TULP4: variants seen among roughly 807,000 people sequenced by gnomAD.
TULP4 encodes TUB like protein 4, also known as tubby-related protein 4.
In TULP4, 16 loss-of-function variants were observed where a neutral mutation model predicts 129.0. The observed-to-expected ratio is 0.12, with a 90% CI of 0.08 to 0.19. The LOEUF (loss-of-function observed/expected upper bound fraction) is 0.19. Ranked by LOEUF, TULP4 falls within the 10% of genes least tolerant of loss-of-function variation. The pLI, the probability that TULP4 is intolerant of heterozygous loss-of-function variation, is 1.00. For synonymous variants in TULP4, 998 were observed against 854.0 expected (o/e 1.17, Z -2.94); for missense variants, 1,842 against 2,059.1 (o/e 0.89, Z 2.04).
rs1445217124 is a variant in TULP4 at position 158,493,346 on chromosome 6, C to T, written c.1632-227C>T. On this transcript the variant is annotated intron_variant, in intron 9 of 13. Coordinates refer to ENST00000367097, the MANE Select transcript of TULP4 (RefSeq NM_020245.5). The surrounding 1 kb of genome is among the most constrained non-coding windows in gnomAD (Gnocchi z 4.4). Reference sequence around the variant, plus strand: ...AGGTGTGTGCCACCACACCCAGTTTCTCAATATATTTTAAAATGTATATTA... The same window carrying T: ...AGGTGTGTGCCACCACACCCAGTTTTTCAATATATTTTAAAATGTATATTA... Among the ~76,000 whole-genome samples the T allele has an allele frequency of 6.6e-6, 1 of 152,182 alleles. No individual in the cohort carries two copies. Among genetic ancestry groups the T allele is most frequent in the East Asian group, 1.9e-4 (1 of 5,204 alleles).
At chr6:158,476,261 T>C (rs1386295393) in intron 6 of TULP4, among the ~76,000 whole-genome samples, 1 of 152,212 alleles carries the variant, frequency 6.6e-6, no homozygotes, top group African/African-American at 2.4e-5. Flanking sequence ...CTTGGGCAAG[T>C]AAATGAGTGC....
chr6:158,414,222 T>A (rs1778156951), intron 2 of TULP4, among the ~76,000 whole-genome samples: 1 of 152,262 alleles, frequency 6.6e-6, no homozygotes, highest in African/African-American at 2.4e-5. Flanking sequence ...GACTGACTGA[T>A]AAGGCCTTAC....
intron 3 of TULP4, 120 bp downstream of exon 3, chr6:158,430,017 A>G: frequency 1.1e-6 from 1 of 946,230 alleles, no homozygotes; most frequent in Non-Finnish European, 1.5e-6. Flanking sequence ...ATGGAAAAGA[A>G]CAATAAAACT....
chr6:158,417,730 G>A (rs1377494737), intron 2 of TULP4, among the ~76,000 whole-genome samples: 1 of 152,164 alleles, frequency 6.6e-6, no homozygotes. Flanking sequence ...CTTTTTAGAA[G>A]AAATGACAGA....
intron 1 of TULP4, among the ~76,000 whole-genome samples, chr6:158,254,465 G>C (rs1432366995): frequency 2.0e-5 from 3 of 152,154 alleles, no homozygotes; most frequent in Non-Finnish European, 4.4e-5. Context: ...TTTTAAGGTA[G>C]ATGTCCATTA....
rs1283850523 is a variant in TULP4 at position 158,510,442 on chromosome 6, G to A, written c.*3748G>A. On this transcript the variant is annotated 3_prime_UTR_variant, in exon 14 of 14. Transcript: ENST00000367097. The stretch of plus-strand genomic sequence containing the variant: ...GTCCATCTGTGAAATGAAAGGATCA[G>A]CCTGGACAGCCCTCTAAACTCCCTT... 6.6e-6 allele frequency: 1 copy of A among 152,224 alleles called. No individual in the cohort carries two copies. The highest frequency in any genetic ancestry group is 2.4e-5 in the African/African-American group (1 of 41,440). The allele number at this position is 152,224 out of a possible 1,614,324, so 9.4% of individuals were successfully genotyped here.
At position 158,502,914 on chromosome 6, in the gene TULP4, T is replaced by C; in HGVS notation, c.3251T>C (p.Val1084Ala). ...PDSARDRTDY[V>A]NSAFTEDEAL... is the part of the protein sequence containing the mutation. The stretch of plus-strand genomic sequence containing the variant: ...AGCGCCCGCGACCGCACCGACTACG[T>C]CAACTCGGCCTTCACGGAGGACGAG... The change falls in exon 13 of 14, where the codon GTC becomes GCC. Residue 1084 changes from valine to alanine, a missense_variant. Around this residue, in one of 5 missense-constraint regions of TULP4, gnomAD observed 1,089 missense variants for 987.1 expected, o/e 1.10. Coordinates refer to ENST00000367097, the MANE Select transcript of TULP4 (RefSeq NM_020245.5). The C allele has an allele frequency of 6.2e-7, 1 of 1,613,918 alleles. No individual in the cohort carries two copies. The highest frequency in any genetic ancestry group is 8.5e-7 in the Non-Finnish European group (1 of 1,179,998).
intron 3 of TULP4, 41 bp downstream of exon 3, chr6:158,429,938 C>T (rs1216016590): frequency 6.3e-7 from 1 of 1,591,266 alleles, no homozygotes; most frequent in Non-Finnish European, 8.6e-7. Context: ...ACGTTAAAAC[C>T]ATGAGGGCTG....
chr6:158,277,542 T>C (rs900066910), upstream of TULP4, among the ~76,000 whole-genome samples: 3 of 152,232 alleles, frequency 2.0e-5, no homozygotes, highest in African/African-American at 7.2e-5. Context: ...GGGAGATTTA[T>C]GTTAGGGCCA....
chr6:158,386,448 G>T (rs1454077213), intron 1 of TULP4, among the ~76,000 whole-genome samples: 3 of 152,110 alleles, frequency 2.0e-5, no homozygotes, highest in Admixed American at 2.0e-4. Context: ...AGTACTAATA[G>T]ATATATACTG....
chr6:158,453,079 G>A (rs923970358), intron 5 of TULP4, among the ~76,000 whole-genome samples: 2 of 152,126 alleles, frequency 1.3e-5, no homozygotes, highest in Non-Finnish European at 2.9e-5. Flanking sequence ...GGTGTAACTC[G>A]CTGCTGTCAT....
chr6:158,500,958 G>A (rs1780432242), intron 12 of TULP4, among the ~76,000 whole-genome samples: 1 of 152,128 alleles, frequency 6.6e-6, no homozygotes, highest in Admixed American at 6.5e-5. Flanking sequence ...TACTGGGGAG[G>A]CTGAGGCAGG....
chr6:158,359,161 C>G (rs547598605), intron 1 of TULP4, among the ~76,000 whole-genome samples: 1 of 152,258 alleles, frequency 6.6e-6, no homozygotes, highest in South Asian at 2.1e-4. Context: ...TCCCCTCTTC[C>G]TCTTACCTAG....
chr6:158,433,555 C>CA (rs1264732308), intron 3 of TULP4, among the ~76,000 whole-genome samples: 1 of 152,022 alleles, frequency 6.6e-6, no homozygotes, highest in Non-Finnish European at 1.5e-5. Context: ...ACTAAAAATA[C>CA]AAAAAATTAG....
chr6:158,410,908 T>C (rs1338247961), intron 1 of TULP4, among the ~76,000 whole-genome samples: 1 of 152,152 alleles, frequency 6.6e-6, no homozygotes, highest in Non-Finnish European at 1.5e-5. Flanking sequence ...AATGTCTGTT[T>C]AGGAAACTGA....
intron 1 of TULP4, among the ~76,000 whole-genome samples, chr6:158,270,102 C>G (rs1278201217): frequency 6.6e-6 from 1 of 152,216 alleles, no homozygotes; most frequent in Non-Finnish European, 1.5e-5. Flanking sequence ...CAGTAAGACC[C>G]TTTCCTATCC....
Position 158,493,818 on chromosome 6 carries a change from G to C in TULP4, c.1776+101G>C. On this transcript the variant is annotated intron_variant, in intron 10 of 13. Transcript: ENST00000367097. The surrounding 1 kb of genome is among the most constrained non-coding windows in gnomAD (Gnocchi z 4.4). The stretch of plus-strand genomic sequence containing the variant: ...GCCTGCACTGCTCACTGCCACCATG[G>C]GTCCCTGAGCTCTGCTCCACATCCT... The C allele has an allele frequency of 7.5e-7, 1 of 1,338,862 alleles. No individual in the cohort carries two copies. The highest frequency in any genetic ancestry group is 2.8e-5 in the East Asian group (1 of 36,246). The allele number at this position is 1,338,862 out of a possible 1,614,324, so 82.9% of individuals were successfully genotyped here.
intron 1 of TULP4, among the ~76,000 whole-genome samples, chr6:158,339,272 A>C (rs1430680689): frequency 6.6e-6 from 1 of 152,172 alleles, no homozygotes; most frequent in Non-Finnish European, 1.5e-5. Context: ...GGGTGTTACG[A>C]ATAGGGTGTG....
upstream of TULP4, among the ~76,000 whole-genome samples, chr6:158,278,085 C>T (rs1778678883): frequency 1.3e-5 from 2 of 152,212 alleles, no homozygotes; most frequent in Non-Finnish European, 2.9e-5. Flanking sequence ...TCCTCTTGTG[C>T]TAAATTCATC....
Sources: allele counts gnomAD v4.1 joint callset (sites outside exome capture counted in the v4.1 genomes callset), GRCh38; gene constraint gnomAD v4.1.1; regional missense constraint gnomAD v4.1.1; non-coding constraint Gnocchi (gnomAD v3.1); transcripts MANE v1.5; gene names NCBI Gene and HGNC (gene_info 2026-07-23, HGNC 2026-07-21).